The following ENOX1 variants were observed in gnomAD, a reference collection of about 807,000 sequenced individuals.
The protein encoded by ENOX1 is ecto-NOX disulfide-thiol exchanger 1, also known as candidate growth-related and time keeping constitutive hydroquinone (NADH) oxidase.
ENOX1 carries 42 observed loss-of-function variants against 82.5 expected under a neutral mutation model. That is an observed-to-expected ratio of 0.51 (90% CI 0.40 to 0.66). ENOX1 has a LOEUF of 0.66. Ranked by LOEUF, ENOX1 falls within the 30% of genes least tolerant of loss-of-function variation. ENOX1 has a pLI of 0.00. For synonymous variants in ENOX1, 271 were observed against 282.2 expected (o/e 0.96, Z 0.40); for missense variants, 608 against 811.6 (o/e 0.75, Z 3.05).
chr13:43,778,474 T>G (rs967906305), intron 1 of ENOX1, among the ~76,000 whole-genome samples: 4 of 152,094 alleles, frequency 2.6e-5, no homozygotes, highest in Non-Finnish European at 5.9e-5. Flanking sequence ...TATCAAAGCA[T>G]CAGGGAAAAC....
chr13:43,312,895 C>T (rs1396654436), intron 11 of ENOX1, among the ~76,000 whole-genome samples: 1 of 152,102 alleles, frequency 6.6e-6, no homozygotes, highest in Non-Finnish European at 1.5e-5. Flanking sequence ...AAGCCCCAGT[C>T]GGCTTTGTCT....
chr13:43,478,844 A>G lies in ENOX1; in HGVS notation c.-75+5165T>C, dbSNP rs139874551. Among the ~76,000 whole-genome samples, 1,117 of 152,080 alleles carry G rather than the reference A, an allele frequency of 7.3e-3. 10 individuals are homozygous for G. Among genetic ancestry groups the G allele is most frequent in the African/African-American group, 0.025 (1,031 of 41,496 alleles). On this transcript the variant is annotated intron_variant, in intron 3 of 16. Coordinates refer to ENST00000690772, the MANE Select transcript of ENOX1 (RefSeq NM_001347969.2). ...GTACTGGGGAATTCAATGATTTCTT[A>G]AACCCAAAGAAAATAGTAGTGAATG...
chr13:43,246,314 A>G (rs1040403833), intron 14 of ENOX1, among the ~76,000 whole-genome samples: 20 of 152,336 alleles, frequency 1.3e-4, no homozygotes, highest in Admixed American at 1.2e-3. Context: ...CCTAACCACT[A>G]CACTAGGTTG....
chr13:43,712,591 A>C (rs9533593), intron 1 of ENOX1, among the ~76,000 whole-genome samples: 4,243 of 139,764 alleles, frequency 0.03, 63 homozygotes, highest in Non-Finnish European at 0.042. Context: ...CTTTTATTTC[A>C]TTGAGCGGTG....
chr13:43,758,447 A>G (rs534343287), intron 1 of ENOX1, among the ~76,000 whole-genome samples: 1 of 133,990 alleles, frequency 7.5e-6, no homozygotes, highest in South Asian at 2.9e-4. Context: ...TGGTGAACAG[A>G]TCTGTTGCCA....
At chr13:43,754,757 T>A (rs1388675810) in intron 1 of ENOX1, among the ~76,000 whole-genome samples, 3 of 152,052 alleles carry the variant, frequency 2.0e-5, no homozygotes, top group East Asian at 3.9e-4. Flanking sequence ...GCTAATTTTT[T>A]AATTTTTTGT....
intron 5 of ENOX1, among the ~76,000 whole-genome samples, chr13:43,392,296 T>C (rs1425187964): frequency 2.0e-5 from 3 of 152,220 alleles, no homozygotes; most frequent in Non-Finnish European, 2.9e-5. Context: ...ATGAGCTCCA[T>C]GACAGCAGGA....
At chr13:43,304,157 G>C (rs2046736655) in intron 11 of ENOX1, among the ~76,000 whole-genome samples, 1 of 152,130 alleles carries the variant, frequency 6.6e-6, no homozygotes, top group Non-Finnish European at 1.5e-5. Context: ...TGGAAGATTT[G>C]GGCAAAAGGC....
chr13:43,334,694 G>A (rs2048599335), intron 9 of ENOX1, among the ~76,000 whole-genome samples: 1 of 152,122 alleles, frequency 6.6e-6, no homozygotes, highest in Admixed American at 6.5e-5. Context: ...AGGAACATGA[G>A]CCACAGTGCA....
intron 5 of ENOX1, among the ~76,000 whole-genome samples, chr13:43,384,452 T>C (rs2052275901): frequency 6.6e-6 from 1 of 152,216 alleles, no homozygotes; most frequent in Non-Finnish European, 1.5e-5. Context: ...AAAATGCATC[T>C]ATATATTATC....
chr13:43,518,134 T>G (rs1234945771), intron 2 of ENOX1, among the ~76,000 whole-genome samples: 1 of 152,104 alleles, frequency 6.6e-6, no homozygotes, highest in Admixed American at 6.6e-5. Flanking sequence ...AAAACCAATC[T>G]AAGAAGTGCA....
intron 2 of ENOX1, among the ~76,000 whole-genome samples, chr13:43,518,212 GCTT>G (rs2077629334): frequency 6.6e-6 from 1 of 151,716 alleles, no homozygotes; most frequent in African/African-American, 2.4e-5. Context: ...CCTATTTTTT[GCTT>G]CTTTTTATTC....
At chr13:43,225,201 A>G (rs535548080) in intron 15 of ENOX1, among the ~76,000 whole-genome samples, 1 of 152,334 alleles carries the variant, frequency 6.6e-6, no homozygotes, top group African/African-American at 2.4e-5. Flanking sequence ...TATAAGTGGG[A>G]GCTTAACAGT....
At chr13:43,483,872 A>G (rs961920585) in intron 3 of ENOX1, 137 bp downstream of exon 3, 24 of 358,292 alleles carry the variant, frequency 6.7e-5, no homozygotes, top group African/African-American at 5.1e-4. Flanking sequence ...CTAACTTTCA[A>G]TGAAATTAAG....
intron 2 of ENOX1, among the ~76,000 whole-genome samples, chr13:43,622,153 T>C (rs1376311120): frequency 6.6e-6 from 1 of 152,188 alleles, no homozygotes; most frequent in Non-Finnish European, 1.5e-5. Context: ...ACTTCTTCTA[T>C]CATGTTTTGG....
intron 2 of ENOX1, among the ~76,000 whole-genome samples, chr13:43,664,406 T>C (rs1227576842): frequency 1.3e-5 from 2 of 152,216 alleles, no homozygotes; most frequent in Non-Finnish European, 2.9e-5. Flanking sequence ...AAGTGTTAGA[T>C]ACACATAAGT....
chr13:43,442,927 T>G (rs1235932310), intron 3 of ENOX1, among the ~76,000 whole-genome samples: 1 of 152,120 alleles, frequency 6.6e-6, no homozygotes, highest in Admixed American at 6.5e-5. Context: ...AAATTAAAAA[T>G]CTTAAGAATA....
At chr13:43,764,702 A>C (rs968349436) in intron 1 of ENOX1, among the ~76,000 whole-genome samples, 11 of 152,104 alleles carry the variant, frequency 7.2e-5, no homozygotes, top group Admixed American at 6.5e-4. Flanking sequence ...GCCTGCTTTC[A>C]AGCAATAATA....
chr13:43,655,005 C>G (rs762296389), intron 2 of ENOX1, among the ~76,000 whole-genome samples: 2 of 152,154 alleles, frequency 1.3e-5, no homozygotes, highest in Non-Finnish European at 2.9e-5. Context: ...GTATTTGCTG[C>G]CACACCTCTG....
Sources: allele counts gnomAD v4.1 joint callset (sites outside exome capture counted in the v4.1 genomes callset), GRCh38; gene constraint gnomAD v4.1.1; transcripts MANE v1.5; gene names NCBI Gene and HGNC (gene_info 2026-07-23, HGNC 2026-07-21).